SVOP: variants seen among roughly 807,000 people sequenced by gnomAD.
SVOP encodes the protein synaptic vesicle 2-related protein.
In SVOP, 17 loss-of-function variants were observed where a neutral mutation model predicts 69.1. The observed-to-expected ratio is 0.25, with a 90% CI of 0.17 to 0.37. The LOEUF is 0.37. Among genes scored for constraint, SVOP ranks in the 10% least tolerant of loss-of-function variants. The pLI, the probability that SVOP is intolerant of heterozygous loss-of-function variation, is 1.00. For synonymous variants in SVOP, 238 were observed against 238.6 expected (o/e 1.00, Z 0.02); for missense variants, 435 against 597.5 (o/e 0.73, Z 2.84).
chr12:108,993,527 A>G (rs1444457323), intron 1 of SVOP, among the ~76,000 whole-genome samples: 3 of 152,214 alleles, frequency 2.0e-5, no homozygotes, highest in Non-Finnish European at 2.9e-5. Context: ...TCAGACGTCA[A>G]TGCCTTTCTG....
At chr12:108,939,920 C>T (rs1010694501) in intron 8 of SVOP, among the ~76,000 whole-genome samples, 4 of 152,186 alleles carry the variant, frequency 2.6e-5, no homozygotes, top group Non-Finnish European at 5.9e-5. Context: ...GACTTCAAAG[C>T]CCTAGAGGAT....
intron 6 of SVOP, among the ~76,000 whole-genome samples, chr12:108,953,151 TTC>T (rs1388629994): frequency 0.086 from 10,516 of 121,666 alleles, 2,082 homozygotes; most frequent in East Asian, 0.21. Flanking sequence ...TTTTTTTTTT[TTC>T]TTTTTTTTTT....
chr12:108,982,776 CCAT>C (rs2040145919), intron 2 of SVOP, among the ~76,000 whole-genome samples: 3 of 104,944 alleles, frequency 2.9e-5, no homozygotes, highest in South Asian at 3.1e-4. Flanking sequence ...AACATCACCA[CCAT>C]CATCATCACT....
intron 1 of SVOP, among the ~76,000 whole-genome samples, chr12:108,999,427 C>T (rs1478267314): frequency 6.8e-6 from 1 of 146,734 alleles, no homozygotes; most frequent in Non-Finnish European, 1.5e-5. Flanking sequence ...AACAAGGATA[C>T]CCAGGAATTG....
chr12:108,952,232 T>C (rs1463067967), intron 6 of SVOP, among the ~76,000 whole-genome samples: 1 of 133,184 alleles, frequency 7.5e-6, no homozygotes, highest in East Asian at 2.1e-4. Context: ...TCTTTTCTCT[T>C]TTTTTTTTTT....
At chr12:108,916,201 C>T (rs1593175308) in intron 14 of SVOP, among the ~76,000 whole-genome samples, 1 of 152,234 alleles carries the variant, frequency 6.6e-6, no homozygotes, top group African/African-American at 2.4e-5. Context: ...CATGCGTTCA[C>T]CTTGAAGCCT....
chr12:109,009,065 G>C (rs1323487872), intron 1 of SVOP, among the ~76,000 whole-genome samples: 4 of 148,602 alleles, frequency 2.7e-5, no homozygotes, highest in African/African-American at 1.0e-4. Flanking sequence ...GGGTTCAAGA[G>C]ATTCTCATGC....
At chr12:108,931,003 C>A (rs2039814179) in intron 11 of SVOP, among the ~76,000 whole-genome samples, 2 of 152,160 alleles carry the variant, frequency 1.3e-5, no homozygotes, top group African/African-American at 2.4e-5. Flanking sequence ...AGATTGCTAA[C>A]CCCTGTTTTA....
At chr12:108,917,999 C>A in intron 14 of SVOP, 44 bp downstream of exon 14, 3 of 1,467,124 alleles carry the variant, frequency 2.0e-6, no homozygotes, top group East Asian at 2.5e-5. Flanking sequence ...AGCCACTCTC[C>A]CCCCACTGCC....
intron 1 of SVOP, among the ~76,000 whole-genome samples, chr12:108,990,376 G>A (rs984306770): frequency 7.2e-5 from 11 of 152,146 alleles, no homozygotes; most frequent in South Asian, 6.2e-4. Context: ...GTCTATCATT[G>A]ATGGACATTA....
chr12:108,948,878 C>T (rs1309404130), intron 6 of SVOP, among the ~76,000 whole-genome samples: 1 of 152,126 alleles, frequency 6.6e-6, no homozygotes, highest in Admixed American at 6.5e-5. Flanking sequence ...TCATGGATGA[C>T]TTTTATATTT....
In SVOP at chr12:109,007,979, A is replaced by C. The variant is rs373611783; in HGVS notation, c.35+12855T>G. 1.6e-4 allele frequency among the ~76,000 whole-genome samples: 24 copies of C among 152,262 alleles called. No individual in the cohort carries two copies. In the East Asian group the frequency reaches 2.9e-3, roughly 18 times the overall value. On this transcript the variant is annotated intron_variant, in intron 1 of 15. Transcript: ENST00000610966. Reference sequence around the variant, plus strand: ...TTTGAACCCAAGAGGTGAAGACTGCAGTGAGCTATGATTGCACCACTGCAC... The same window carrying C: ...TTTGAACCCAAGAGGTGAAGACTGCCGTGAGCTATGATTGCACCACTGCAC...
intron 12 of SVOP, among the ~76,000 whole-genome samples, chr12:108,920,208 C>T (rs2039740064): frequency 6.6e-6 from 1 of 152,218 alleles, no homozygotes; most frequent in Non-Finnish European, 1.5e-5. Context: ...TGGGCCAATG[C>T]CTTGATTGCA....
At position 108,940,891 on chromosome 12, in the gene SVOP, T is replaced by C. The variant is rs1489120100; in HGVS notation, c.661A>G (p.Thr221Ala). ...LLIEVFWAIG[T>A]VFEVVLAVFV... ...ACAGCCAGGACGACCTCGAACACTG[T>C]CCCGATGGCCCAGAATACCTGGCAC... The change falls in exon 8 of 16, where the codon ACA becomes GCA. Residue 221 changes from threonine to alanine, a missense_variant. By Grantham distance (58) the Thr-to-Ala change is moderately conservative (BLOSUM62 0). Coordinates refer to ENST00000610966, the MANE Select transcript of SVOP (RefSeq NM_018711.5). 6.5e-7 allele frequency: 1 copy of C among 1,536,682 alleles called. No individual in the cohort carries two copies. Among genetic ancestry groups the C allele is most frequent in the Non-Finnish European group, 8.7e-7 (1 of 1,146,730 alleles).
At chr12:108,934,104 G>C in intron 11 of SVOP, 91 bp downstream of exon 11, 1 of 1,156,940 alleles carries the variant, frequency 8.6e-7, no homozygotes, top group Non-Finnish European at 1.2e-6. Flanking sequence ...AATCCCTTAA[G>C]GGCAGAGCCT....
chr12:108,995,901 CAAA>C (rs199645152), intron 1 of SVOP, among the ~76,000 whole-genome samples: 1 of 136,992 alleles, frequency 7.3e-6, no homozygotes. Flanking sequence ...GACTCTGTCT[CAAA>C]AAAAAAAAAA....
intron 1 of SVOP, among the ~76,000 whole-genome samples, chr12:109,016,219 G>A (rs2040366807): frequency 2.0e-5 from 3 of 152,216 alleles, no homozygotes; most frequent in African/African-American, 7.2e-5. Context: ...CTCAGCCTTG[G>A]GGAGAAGAAG....
intron 15 of SVOP, among the ~76,000 whole-genome samples, chr12:108,915,251 A>G (rs2039706631): frequency 6.6e-6 from 1 of 151,844 alleles, no homozygotes; most frequent in African/African-American, 2.4e-5. Flanking sequence ...ATATTGCATG[A>G]TGCTGAAGTT....
intron 4 of SVOP, among the ~76,000 whole-genome samples, 185 bp downstream of exon 4, chr12:108,977,213 C>T (rs551719259): frequency 6.6e-6 from 1 of 152,320 alleles, no homozygotes; most frequent in Middle Eastern, 3.4e-3. Context: ...GTAGCTGGAC[C>T]TCCGGGTGAA....
Sources: allele counts gnomAD v4.1 joint callset (sites outside exome capture counted in the v4.1 genomes callset), GRCh38; gene constraint gnomAD v4.1.1; transcripts MANE v1.5; gene names NCBI Gene and HGNC (gene_info 2026-07-23, HGNC 2026-07-21).